CARMIL1: variants seen among roughly 807,000 people sequenced by gnomAD.
CARMIL1 encodes the protein capping protein regulator and myosin 1 linker 1.
CARMIL1 carries 90 observed loss-of-function variants against 177.1 expected under a neutral mutation model. The observed-to-expected ratio is 0.51, with a 90% CI of 0.43 to 0.61. The LOEUF is 0.61. Among genes scored for constraint, CARMIL1 ranks in the 20% least tolerant of loss-of-function variants. CARMIL1 has a pLI of 0.00. For missense variants in CARMIL1, 1,380 were observed against 1,667.0 expected (o/e 0.83, Z 3.00); for synonymous variants, 577 against 606.2 (o/e 0.95, Z 0.71).
At chr6:25,417,575 G>A (rs775750105) in intron 2 of CARMIL1, among the ~76,000 whole-genome samples, 8 of 152,188 alleles carry the variant, frequency 5.3e-5, no homozygotes, top group Non-Finnish European at 1.0e-4. Flanking sequence ...TTCCAGTCAT[G>A]GCTGCCCTGG....
In CARMIL1 at chr6:25,279,630, G is replaced by T; in HGVS notation, c.-166G>T. The T allele has an allele frequency of 1.6e-6, 1 of 627,236 alleles. No individual in the cohort carries two copies. Among genetic ancestry groups the T allele is most frequent in the Non-Finnish European group, 2.9e-6 (1 of 350,734 alleles). 38.9% of individuals were successfully genotyped at this position (627,236 alleles called of 1,614,324 possible). On this transcript the variant is annotated 5_prime_UTR_variant, in exon 1 of 37. Transcript: ENST00000329474. Reference sequence around the variant, plus strand: ...GCAACTCTTTTTTTTTTTTTTGGTGGGGCGGGGGGCGCGCGGCAAAATTCT... The same window carrying T: ...GCAACTCTTTTTTTTTTTTTTGGTGTGGCGGGGGGCGCGCGGCAAAATTCT...
intron 2 of CARMIL1, among the ~76,000 whole-genome samples, chr6:25,322,697 G>A (rs1179228408): frequency 6.6e-6 from 1 of 152,196 alleles, no homozygotes; most frequent in Non-Finnish European, 1.5e-5. Context: ...GAGTTACTGG[G>A]TTGATAGTCT....
In CARMIL1 at chr6:25,403,147, A is replaced by G. The variant is rs113133881; in HGVS notation, c.139-16967A>G. On this transcript the variant is annotated intron_variant, in intron 2 of 36. Transcript: ENST00000329474. ...TCTAGGTAACACAGTACCTAGACCA[A>G]TCCAGGAGTCACTTAAATTGAATTG... 1.6e-3 allele frequency among the ~76,000 whole-genome samples: 247 copies of G among 151,836 alleles called. 2 individuals carry two copies. The highest frequency in any genetic ancestry group is 3.4e-3 in the Middle Eastern group (1 of 294).
intron 35 of CARMIL1, 42 bp downstream of exon 35, chr6:25,606,315 G>A (rs1815965159): frequency 1.3e-6 from 2 of 1,576,940 alleles, no homozygotes; most frequent in East Asian, 2.3e-5. Context: ...TGACCAGGTG[G>A]CTTCCCAGAG....
intron 2 of CARMIL1, among the ~76,000 whole-genome samples, chr6:25,357,594 CAAAAAT>C (rs1788763238): frequency 6.6e-6 from 1 of 151,856 alleles, no homozygotes; most frequent in Non-Finnish European, 1.5e-5. Context: ...AAAAAGAAAA[CAAAAAT>C]AAAAAAACAC....
At chr6:25,572,011 A>G (rs1812110606) in intron 29 of CARMIL1, among the ~76,000 whole-genome samples, 1 of 152,178 alleles carries the variant, frequency 6.6e-6, no homozygotes, top group African/African-American at 2.4e-5. Flanking sequence ...AGTTGGGGGA[A>G]TTTGAATATG....
chr6:25,290,044 A>C (rs1189531594), intron 2 of CARMIL1, among the ~76,000 whole-genome samples: 1 of 152,184 alleles, frequency 6.6e-6, no homozygotes, highest in Non-Finnish European at 1.5e-5. Context: ...TTTTACCAGC[A>C]ATGTATGAGT....
chr6:25,395,440 A>C (rs1793288145), intron 2 of CARMIL1, among the ~76,000 whole-genome samples: 1 of 152,236 alleles, frequency 6.6e-6, no homozygotes, highest in African/African-American at 2.4e-5. Flanking sequence ...TTAAAAATTC[A>C]AGTTAAAAGA....
intron 2 of CARMIL1, among the ~76,000 whole-genome samples, chr6:25,293,265 GGT>G (rs57127326): frequency 0.025 from 3,330 of 134,308 alleles, 63 homozygotes; most frequent in South Asian, 0.046. Flanking sequence ...AAGGATGCTT[GGT>G]GTGTGTGTGT....
chr6:25,591,221 T>C (rs974877812), intron 31 of CARMIL1, among the ~76,000 whole-genome samples: 2 of 152,250 alleles, frequency 1.3e-5, no homozygotes, highest in African/African-American at 4.8e-5. Context: ...CTTTCCCTGG[T>C]GTATTCACTG....
At chr6:25,408,782 G>A (rs77566124) in intron 2 of CARMIL1, among the ~76,000 whole-genome samples, 21,177 of 151,230 alleles carry the variant, frequency 0.14, 1,772 homozygotes, top group East Asian at 0.3. Flanking sequence ...AGTTAAGACC[G>A]GCCTGGGCAA....
rs370724682 is a variant in CARMIL1, at chr6:25,384,828, C to T, written c.139-35286C>T. ...TAATAATAGAGTGTTTTGTTCAAGC[C>T]GCTTAAATTTGTTTATTTTTTCCTC... On this transcript the variant is annotated intron_variant, in intron 2 of 36. Coordinates refer to ENST00000329474, the MANE Select transcript of CARMIL1 (RefSeq NM_017640.6). Among the ~76,000 whole-genome samples the T allele has an allele frequency of 2.2e-4, 33 of 152,152 alleles. 1 individual carries two copies. In the South Asian group the frequency reaches 5.2e-3, roughly 24 times the overall value.
intron 12 of CARMIL1, among the ~76,000 whole-genome samples, chr6:25,484,261 A>G (rs756790874): frequency 1.7e-4 from 26 of 152,194 alleles, no homozygotes; most frequent in Non-Finnish European, 3.4e-4. Flanking sequence ...GTGTCCTGGC[A>G]CTTCTCAGTC....
chr6:25,331,508 T>C (rs9467467), intron 2 of CARMIL1, among the ~76,000 whole-genome samples: 6,760 of 152,318 alleles, frequency 0.044, 450 homozygotes, highest in African/African-American at 0.15. Context: ...CCATTGTCTG[T>C]ACAGCTGCCA....
Position 25,326,985 on chromosome 6 carries a change from T to G in CARMIL1, c.138+42076T>G, listed in dbSNP as rs181954950. ...ACTTTTGAACACATTGCGTTTGGAG[T>G]GTTCATGAAATGTCCAAGTGAAGAT... On this transcript the variant is annotated intron_variant, in intron 2 of 36. Coordinates refer to ENST00000329474, the MANE Select transcript of CARMIL1 (RefSeq NM_017640.6). This position sits in a 1 kb window ranked among gnomAD's most constrained non-coding sequence, Gnocchi z 4.2. 1.3e-4 allele frequency among the ~76,000 whole-genome samples: 20 copies of G among 151,888 alleles called. No individual in the cohort carries two copies. Among genetic ancestry groups the G allele is most frequent in the Admixed American group, 3.9e-4 (6 of 15,242 alleles).
At chr6:25,563,329 G>T in intron 29 of CARMIL1, 4 of 985,286 alleles carry the variant, frequency 4.1e-6, no homozygotes, top group Non-Finnish European at 4.8e-6. Context: ...GGGATGAAAG[G>T]TTTCCTCTTT....
At chr6:25,570,185 C>G (rs1257417034) in intron 29 of CARMIL1, among the ~76,000 whole-genome samples, 1 of 152,156 alleles carries the variant, frequency 6.6e-6, no homozygotes, top group African/African-American at 2.4e-5. Context: ...AGGATGGTCT[C>G]GATCTCCTGA....
At chr6:25,280,296 AGGCGCT>A (rs1345288027) in intron 1 of CARMIL1, among the ~76,000 whole-genome samples, 2 of 152,160 alleles carry the variant, frequency 1.3e-5, no homozygotes, top group Non-Finnish European at 2.9e-5. Context: ...GGCACGTGTC[AGGCGCT>A]TTCCTGAAAA....
At chr6:25,607,523 G>A (rs958416778) in intron 35 of CARMIL1, among the ~76,000 whole-genome samples, 7 of 152,170 alleles carry the variant, frequency 4.6e-5, no homozygotes, top group African/African-American at 1.4e-4. Flanking sequence ...CGCAGCTGGT[G>A]TGTCTGTGTA....
Sources: gnomAD v4.1 joint callset for allele counts (sites outside exome capture counted in the v4.1 genomes callset) on GRCh38, gnomAD v4.1.1 for gene constraint, Gnocchi (gnomAD v3.1) non-coding constraint, MANE v1.5 for transcripts, NCBI Gene and HGNC (gene_info 2026-07-23, HGNC 2026-07-21) for gene names.